The following LRRTM4 variants were observed in gnomAD, a reference collection of about 807,000 sequenced individuals.
LRRTM4 encodes leucine rich repeat transmembrane neuronal 4, also known as leucine-rich repeat transmembrane neuronal protein 4.
Under a neutral mutation model 47.6 loss-of-function variants are expected in LRRTM4, and 25 were observed. The observed-to-expected ratio is 0.53, with a 90% confidence interval of 0.38 to 0.73. The LOEUF (loss-of-function observed/expected upper bound fraction) is 0.73. LRRTM4 is among the 30% of genes least tolerant of loss of function. LRRTM4 has a pLI of 0.00. For missense variants in LRRTM4, 638 were observed against 713.4 expected, an observed-to-expected ratio of 0.89 and a Z score of 1.20; for synonymous variants, 311 against 269.5, an observed-to-expected ratio of 1.15 and a Z score of -1.51.
intron 3 of LRRTM4, among the ~76,000 whole-genome samples, chr2:77,147,510 T>C (rs532998335): frequency 6.6e-6 from 1 of 152,312 alleles, no homozygotes; most frequent in South Asian, 2.1e-4. Flanking sequence ...TCTGTCCTAT[T>C]ACCAAGACAC....
intron 3 of LRRTM4, among the ~76,000 whole-genome samples, chr2:77,295,519 C>T (rs1195074421): frequency 6.6e-6 from 1 of 152,084 alleles, no homozygotes; most frequent in Non-Finnish European, 1.5e-5. Context: ...ATGACATGAC[C>T]ATCATTGCAT....
chr2:77,041,723 C>A (rs1679040712), intron 3 of LRRTM4, among the ~76,000 whole-genome samples: 1 of 150,900 alleles, frequency 6.6e-6, no homozygotes, highest in South Asian at 2.1e-4. Context: ...CTATTCACAT[C>A]TTTTACCCAT....
chr2:76,779,857 T>C (rs867878182), intron 3 of LRRTM4, among the ~76,000 whole-genome samples: 2,362 of 152,114 alleles, frequency 0.016, 68 homozygotes, highest in African/African-American at 0.054. Context: ...TTCCTAGTCT[T>C]GATGGTCTTT....
chr2:77,270,920 T>C (rs1676173957), intron 3 of LRRTM4, among the ~76,000 whole-genome samples: 1 of 152,182 alleles, frequency 6.6e-6, no homozygotes, highest in East Asian at 1.9e-4. Context: ...TTAAGCTTTT[T>C]TGCATATTCA....
At chr2:76,998,063 T>C (rs966669562) in intron 3 of LRRTM4, among the ~76,000 whole-genome samples, 2 of 152,048 alleles carry the variant, frequency 1.3e-5, no homozygotes, top group Admixed American at 6.6e-5. Context: ...TATTTCATTA[T>C]ATATTACAAT....
rs138431598 is a variant in LRRTM4 at position 76,964,845 on chromosome 2, A to T, written c.1552-215929T>A. On this transcript the variant is annotated intron_variant, in intron 3 of 3. Coordinates refer to ENST00000409884, the MANE Select transcript of LRRTM4 (RefSeq NM_001134745.3). The stretch of plus-strand genomic sequence containing the variant: ...AGAAGACAAAAATTATCCATACCAG[A>T]TATAAAAACTAGGCCCTTTGTAATT... Among the ~76,000 whole-genome samples the T allele has an allele frequency of 8.7e-3, 1,310 of 150,988 alleles. 25 individuals are homozygous for T. The highest frequency in any genetic ancestry group is 0.029 in the African/African-American group (1,208 of 41,396).
At position 77,504,727 on chromosome 2, in the gene LRRTM4, T is replaced by C. The variant is rs569627842; in HGVS notation, c.1551+13591A>G. Among the ~76,000 whole-genome samples the C allele has an allele frequency of 3.4e-4, 52 of 151,654 alleles. 1 individual carries two copies. Among genetic ancestry groups the C allele is most frequent in the African/African-American group, 1.1e-3 (45 of 41,530 alleles). ...TCAAGGAGCTGACATCCCTTATTTA[T>C]AGTTTGTAGTGCAGTGGTCTATAGT... On this transcript the variant is annotated intron_variant, in intron 3 of 3. Transcript: ENST00000409884.
At chr2:77,479,910 G>A (rs998602156) in intron 3 of LRRTM4, among the ~76,000 whole-genome samples, 4 of 152,050 alleles carry the variant, frequency 2.6e-5, no homozygotes, top group Non-Finnish European at 2.9e-5. Context: ...ATAGGAAAAG[G>A]TTAAATGTCT....
chr2:76,798,389 T>C (rs1439146939), intron 3 of LRRTM4, among the ~76,000 whole-genome samples: 3 of 151,820 alleles, frequency 2.0e-5, no homozygotes, highest in Non-Finnish European at 4.4e-5. Flanking sequence ...ATAAGGATGT[T>C]CTTTGAAACC....
intron 3 of LRRTM4, among the ~76,000 whole-genome samples, chr2:76,790,564 A>C (rs763197506): frequency 2.6e-5 from 4 of 152,304 alleles, no homozygotes; most frequent in Non-Finnish European, 5.9e-5. Flanking sequence ...TAAAATCCTA[A>C]TAGTGTTTGA....
intron 3 of LRRTM4, among the ~76,000 whole-genome samples, chr2:77,469,377 G>T (rs961115004): frequency 6.6e-6 from 1 of 151,110 alleles, no homozygotes; most frequent in Non-Finnish European, 1.5e-5. Context: ...AATGTGTCAG[G>T]GGGGCAGGAA....
chr2:77,130,127 T>A (rs569761210), intron 3 of LRRTM4, among the ~76,000 whole-genome samples: 16 of 152,214 alleles, frequency 1.1e-4, no homozygotes, highest in East Asian at 3.8e-4. Context: ...TATGAGTTAT[T>A]TGCCATAACA....
intron 3 of LRRTM4, among the ~76,000 whole-genome samples, chr2:77,434,609 A>G (rs1027938102): frequency 1.3e-5 from 2 of 152,194 alleles, no homozygotes; most frequent in Non-Finnish European, 2.9e-5. Flanking sequence ...ATTGGTACAT[A>G]AAATTAACAT....
At chr2:76,862,128 A>G (rs1179767753) in intron 3 of LRRTM4, among the ~76,000 whole-genome samples, 2 of 151,342 alleles carry the variant, frequency 1.3e-5, no homozygotes, top group African/African-American at 4.9e-5. Flanking sequence ...AAATAACAAC[A>G]CTTGTTTGTT....
chr2:77,347,851 A>C (rs1671624842), intron 3 of LRRTM4, among the ~76,000 whole-genome samples: 1 of 152,066 alleles, frequency 6.6e-6, no homozygotes, highest in Admixed American at 6.6e-5. Context: ...GCACATATAT[A>C]TCTGTATCTA....
At chr2:77,358,036 C>T (rs2104308629) in intron 3 of LRRTM4, among the ~76,000 whole-genome samples, 2 of 152,242 alleles carry the variant, frequency 1.3e-5, no homozygotes, top group East Asian at 3.9e-4. Context: ...CTCATATATA[C>T]TTAAATCATT....
At chr2:77,409,113 ATC>A (rs1250319992) in intron 3 of LRRTM4, among the ~76,000 whole-genome samples, 5 of 152,192 alleles carry the variant, frequency 3.3e-5, no homozygotes, top group Non-Finnish European at 7.3e-5. Flanking sequence ...GAGAAAGAAA[ATC>A]TAGATAACAA....
chr2:77,117,064 T>C (rs1671406941), intron 3 of LRRTM4, among the ~76,000 whole-genome samples: 1 of 152,094 alleles, frequency 6.6e-6, no homozygotes, highest in Non-Finnish European at 1.5e-5. Context: ...GTGATTCATA[T>C]TTTGAGTAAC....
At chr2:76,882,440 C>T (rs1349931178) in intron 3 of LRRTM4, among the ~76,000 whole-genome samples, 1 of 151,854 alleles carries the variant, frequency 6.6e-6, no homozygotes, top group East Asian at 1.9e-4. Flanking sequence ...ATCTGTAACC[C>T]TTGCATTTTG....
Sources: gnomAD v4.1 joint callset for allele counts (sites outside exome capture counted in the v4.1 genomes callset) on GRCh38, gnomAD v4.1.1 for gene constraint, MANE v1.5 for transcripts, NCBI Gene and HGNC (gene_info 2026-07-23, HGNC 2026-07-21) for gene names.